CDC16: variants seen among roughly 807,000 people sequenced by gnomAD.
The protein encoded by CDC16 is cell division cycle 16, also known as cell division cycle protein 16 homolog.
In CDC16, 34 loss-of-function variants were observed where a neutral mutation model predicts 87.0. That is an observed-to-expected ratio of 0.39 (90% confidence interval 0.30 to 0.52). The LOEUF (loss-of-function observed/expected upper bound fraction) is 0.52, where lower values mean the gene tolerates loss of function less well. Among genes scored for constraint, CDC16 ranks in the 20% least tolerant of loss-of-function variants. The pLI is 0.74. For missense variants in CDC16, 653 were observed against 751.9 expected (o/e 0.87, Z 1.54); for synonymous variants, 263 against 260.6 (o/e 1.01, Z -0.09).
intron 12 of CDC16, among the ~76,000 whole-genome samples, chr13:114,253,805 A>G (rs1284883177): frequency 6.6e-6 from 1 of 152,062 alleles, no homozygotes; most frequent in East Asian, 1.9e-4. Context: ...GATACCTGTT[A>G]CATCTGATTT....
At chr13:114,256,647 A>G (rs2082515173) in intron 12 of CDC16, among the ~76,000 whole-genome samples, 1 of 152,178 alleles carries the variant, frequency 6.6e-6, no homozygotes, top group African/African-American at 2.4e-5. Context: ...CAGAAGGGAG[A>G]GCATTTATGT....
At chr13:114,240,814 TAAG>T (rs1319710986) in intron 5 of CDC16, among the ~76,000 whole-genome samples, 1 of 152,182 alleles carries the variant, frequency 6.6e-6, no homozygotes, top group African/African-American at 2.4e-5. Context: ...ATTCTTCTGT[TAAG>T]AAATGCATTT....
chr13:114,243,619 T>C (rs1263020958), intron 7 of CDC16, among the ~76,000 whole-genome samples: 1 of 152,238 alleles, frequency 6.6e-6, no homozygotes, highest in African/African-American at 2.4e-5. Flanking sequence ...TTTTTTGTTA[T>C]GCTTCCTGAA....
intron 5 of CDC16, among the ~76,000 whole-genome samples, chr13:114,240,760 G>GTTTTTT (rs574580743): frequency 1.3e-5 from 2 of 148,840 alleles, no homozygotes; most frequent in Non-Finnish European, 3.0e-5. Context: ...TTTTGTTTTT[G>GTTTTTT]TTTTTTTTTC....
In CDC16 at chr13:114,272,679, T is replaced by C. The variant is rs1257033251; in HGVS notation, c.*236T>C. 1 of 383,680 alleles carries C rather than the reference T, an allele frequency of 2.6e-6. No homozygotes were observed. The highest frequency in any genetic ancestry group is 2.1e-5 in the African/African-American group (1 of 48,234). The allele number at this position is 383,680 out of a possible 1,614,324, so 23.8% of individuals were successfully genotyped here. ...GGAATAAAGAAGGTAAACCATCTGT[T>C]ATGTCTTTTTTTTTCTTTTCCAATA... On this transcript the variant is annotated 3_prime_UTR_variant, in exon 18 of 18. Transcript: ENST00000356221.
intron 14 of CDC16, 60 bp from the exon 15 acceptor site, chr13:114,261,827 A>G (rs757789463): frequency 1.4e-5 from 17 of 1,245,212 alleles, no homozygotes; most frequent in African/African-American, 3.1e-5. Context: ...ATTCAGTGCA[A>G]ACAAATCAGG....
chr13:114,240,679 G>A (rs1326022040), intron 5 of CDC16, among the ~76,000 whole-genome samples: 2 of 152,138 alleles, frequency 1.3e-5, no homozygotes. Context: ...ATTTTTGGTA[G>A]AAGTTTATTA....
At chr13:114,268,764 G>A (rs993260202) in intron 17 of CDC16, among the ~76,000 whole-genome samples, 11 of 152,246 alleles carry the variant, frequency 7.2e-5, no homozygotes, top group African/African-American at 1.4e-4. Flanking sequence ...AAGCTGCAGC[G>A]ATCACGCCAC....
intron 13 of CDC16, 83 bp from the exon 14 acceptor site, chr13:114,259,252 A>G: frequency 1.2e-6 from 1 of 821,798 alleles, no homozygotes; most frequent in Non-Finnish European, 1.9e-6. Context: ...TTTTAGTACT[A>G]CTAGAAAGGT....
intron 13 of CDC16, among the ~76,000 whole-genome samples, chr13:114,258,460 TTG>T (rs1440049390): frequency 6.6e-6 from 1 of 152,270 alleles, no homozygotes; most frequent in East Asian, 1.9e-4. Flanking sequence ...TTTGTGCTTT[TTG>T]TTGATGATTT....
chr13:114,245,115 G>A, intron 9 of CDC16, 146 bp downstream of exon 9: 1 of 514,940 alleles, frequency 1.9e-6, no homozygotes, highest in Non-Finnish European at 3.4e-6. Context: ...CAACTGGGGA[G>A]GAAATGTTTA....
intron 8 of CDC16, chr13:114,244,370 T>C (rs1340244735): frequency 1.2e-5 from 2 of 166,370 alleles, no homozygotes; most frequent in African/African-American, 4.8e-5. Context: ...ATGTATCAGT[T>C]TTCCAGTGTA....
rs764010839 is a variant in CDC16 at position 114,265,176 on chromosome 13, A to G, written c.1539A>G (p.Thr513=). The change falls in exon 17 of 18, where the codon ACA becomes ACG. Residue 513 remains threonine (T), a synonymous_variant. Coordinates refer to ENST00000356221, the MANE Select transcript of CDC16 (RefSeq NM_001078645.3). ...HTALGLRRDD[T]FSVTMLGHCI... Reference sequence around the variant, plus strand: ...CCCTTGGTCTTAGGCGAGATGATACATTTTCTGTTACAATGCTTGGTCATT... The same window carrying G: ...CCCTTGGTCTTAGGCGAGATGATACGTTTTCTGTTACAATGCTTGGTCATT... 1 of 1,611,926 alleles carries G rather than the reference A, an allele frequency of 6.2e-7. No homozygotes were observed. Among genetic ancestry groups the G allele is most frequent in the African/African-American group, 1.3e-5 (1 of 74,838 alleles).
chr13:114,250,319 C>G (rs1167054358), intron 11 of CDC16, among the ~76,000 whole-genome samples: 3 of 151,904 alleles, frequency 2.0e-5, no homozygotes, highest in African/African-American at 7.3e-5. Flanking sequence ...ATGGTGAAAC[C>G]CCATCTCTAC....
intron 17 of CDC16, among the ~76,000 whole-genome samples, chr13:114,265,706 C>T (rs950507718): frequency 2.0e-5 from 3 of 152,126 alleles, no homozygotes; most frequent in African/African-American, 7.2e-5. Context: ...AATTGCTGTA[C>T]TTGGGCACTC....
chr13:114,243,457 G>T (rs969669200), intron 7 of CDC16, 109 bp downstream of exon 7: 3 of 598,350 alleles, frequency 5.0e-6, no homozygotes, highest in Admixed American at 2.9e-5. Flanking sequence ...TTTAAATTTA[G>T]CACATTTTTA....
intron 1 of CDC16, among the ~76,000 whole-genome samples, chr13:114,236,084 A>G (rs147316054): frequency 3.6e-4 from 55 of 152,354 alleles, no homozygotes; most frequent in African/African-American, 1.1e-3. Flanking sequence ...GCCGTAGGTC[A>G]CTGTGGGTGG....
chr13:114,260,502 C>A (rs1257389454), intron 14 of CDC16, among the ~76,000 whole-genome samples: 1 of 152,198 alleles, frequency 6.6e-6, no homozygotes, highest in Non-Finnish European at 1.5e-5. Flanking sequence ...GAATCAAAAT[C>A]TGCAGTTTTA....
chr13:114,265,682 A>G lies in CDC16; in HGVS notation c.1603+442A>G, dbSNP rs558613006. ...TCCATAACAGTGAATAAGTAATAGTATAAGTTTGGATGGAATTGCTGTACT... is the reference window on the plus strand; with the variant it reads ...TCCATAACAGTGAATAAGTAATAGTGTAAGTTTGGATGGAATTGCTGTACT... On this transcript the variant is annotated intron_variant, in intron 17 of 17. Transcript: ENST00000356221. Among the ~76,000 whole-genome samples the G allele has an allele frequency of 3.3e-5, 5 of 152,344 alleles. No individual in the cohort carries two copies. In the East Asian group the frequency reaches 5.8e-4, roughly 18 times the overall value.
Sources: allele counts gnomAD v4.1 joint callset (sites outside exome capture counted in the v4.1 genomes callset), GRCh38; gene constraint gnomAD v4.1.1; transcripts MANE v1.5; gene names NCBI Gene and HGNC (gene_info 2026-07-23, HGNC 2026-07-21).